The following TNFRSF8 variants were observed in gnomAD, a reference collection of about 807,000 sequenced individuals.
TNFRSF8 encodes the protein TNF receptor superfamily member 8, also known as tumor necrosis factor receptor superfamily member 8.
TNFRSF8 carries 26 observed loss-of-function variants against 70.8 expected under a neutral mutation model. The ratio of observed to expected loss-of-function variants is 0.37; its 90% CI spans 0.27 to 0.51. The LOEUF (loss-of-function observed/expected upper bound fraction) is 0.51, where lower values mean the gene tolerates loss of function less well. Ranked by LOEUF, TNFRSF8 falls within the 20% of genes least tolerant of loss-of-function variation. The probability of loss-of-function intolerance (pLI) is 0.94; values close to 1 mark genes in which losing one functional copy is unlikely to be tolerated. For missense variants in TNFRSF8, 720 were observed against 807.9 expected (o/e 0.89, Z 1.32); for synonymous variants, 356 against 339.2 (o/e 1.05, Z -0.54).
chr1:12,080,812 A>C (rs6689877), intron 1 of TNFRSF8, among the ~76,000 whole-genome samples: 4,533 of 152,190 alleles, frequency 0.03, 208 homozygotes, highest in African/African-American at 0.1. Flanking sequence ...CTCCTGTCTC[A>C]TTCTCCCAAA....
At chr1:12,125,606 G>A (rs575250427) in intron 10 of TNFRSF8, among the ~76,000 whole-genome samples, 10 of 152,288 alleles carry the variant, frequency 6.6e-5, no homozygotes, top group African/African-American at 2.4e-4. Context: ...CCCTGACTCC[G>A]GCCACACCAG....
At chr1:12,104,847 T>C (rs1415960706) in intron 4 of TNFRSF8, among the ~76,000 whole-genome samples, 1 of 152,206 alleles carries the variant, frequency 6.6e-6, no homozygotes, top group Non-Finnish European at 1.5e-5. Context: ...ACCTCAAGTC[T>C]CTGTCCTGGG....
chr1:12,100,907 A>C (rs923281385), intron 3 of TNFRSF8, among the ~76,000 whole-genome samples: 2 of 149,920 alleles, frequency 1.3e-5, no homozygotes, highest in African/African-American at 4.9e-5. Context: ...CAGTGAGCTG[A>C]GATTGTGCTA....
In TNFRSF8 at chr1:12,138,737, G is replaced by A. The variant is rs750911171; in HGVS notation, c.1543+301G>A. The stretch of plus-strand genomic sequence containing the variant: ...ACCCGAGGGGACAGGAGGAAGACGT[G>A]CCAGTGGTCACAGGACCTGCCACTT... On this transcript the variant is annotated intron_variant, in intron 14 of 14. Coordinates refer to ENST00000263932, the MANE Select transcript of TNFRSF8 (RefSeq NM_001243.5). This position sits in a 1 kb window ranked among gnomAD's most constrained non-coding sequence, Gnocchi z 5.7. Among the ~76,000 whole-genome samples the A allele has an allele frequency of 2.6e-4, 40 of 152,330 alleles. No homozygotes were observed. The highest frequency in any genetic ancestry group is 5.4e-4 in the Non-Finnish European group (37 of 68,020).
intron 8 of TNFRSF8, 102 bp from the exon 9 acceptor site, chr1:12,123,182 G>A (rs148030657): frequency 5.4e-5 from 50 of 927,776 alleles, no homozygotes; most frequent in Admixed American, 2.9e-4. Flanking sequence ...TAGCTCCCAC[G>A]GTGTTGCCTC....
intron 3 of TNFRSF8, among the ~76,000 whole-genome samples, chr1:12,097,819 T>C (rs944299778): frequency 7.2e-5 from 11 of 152,210 alleles, no homozygotes; most frequent in Non-Finnish European, 1.3e-4. Context: ...TCATGTATTT[T>C]CAGAGTGTTC....
rs1173894175 is a variant in TNFRSF8 at position 12,110,844 on chromosome 1, C to G, written c.676+640C>G. Among the ~76,000 whole-genome samples, 1 of 142,514 alleles carries G rather than the reference C, an allele frequency of 7.0e-6. No individual in the cohort carries two copies. Among genetic ancestry groups the G allele is most frequent in the African/African-American group, 2.7e-5 (1 of 37,192 alleles). 93.5% of individuals were successfully genotyped at this position (142,514 alleles called of 152,430 possible). Reference sequence around the variant, plus strand: ...AACTCCCGACCTCAGGTGATCCGCCCACCTCGGCCTCCCAAAGTGCTGGGA... The same window carrying G: ...AACTCCCGACCTCAGGTGATCCGCCGACCTCGGCCTCCCAAAGTGCTGGGA... On this transcript the variant is annotated intron_variant, in intron 6 of 14. Transcript: ENST00000263932. This position sits in a 1 kb window ranked among gnomAD's most constrained non-coding sequence, Gnocchi z 4.0.
In TNFRSF8 at chr1:12,065,461, T is replaced by C. The variant is rs918776954; in HGVS notation, c.63+1800T>C. 3.9e-5 allele frequency among the ~76,000 whole-genome samples: 6 copies of C among 152,220 alleles called. 1 individual carries two copies. The highest frequency in any genetic ancestry group is 1.4e-4 in the African/African-American group (6 of 41,448). On this transcript the variant is annotated intron_variant, in intron 1 of 14. Transcript: ENST00000263932. Reference sequence around the variant, plus strand: ...TATAAATATATTCTCAAAGCAAAACTGTAAACGCTACAGATAAAGCCAAGT... The same window carrying C: ...TATAAATATATTCTCAAAGCAAAACCGTAAACGCTACAGATAAAGCCAAGT...
intron 1 of TNFRSF8, among the ~76,000 whole-genome samples, chr1:12,065,612 A>G (rs1056999079): frequency 1.3e-5 from 2 of 152,170 alleles, no homozygotes; most frequent in Non-Finnish European, 2.9e-5. Context: ...ACATATATAT[A>G]GTTTTCCATA....
At chr1:12,120,941 C>A (rs1443674356) in intron 8 of TNFRSF8, among the ~76,000 whole-genome samples, 7 of 152,190 alleles carry the variant, frequency 4.6e-5, no homozygotes, top group Non-Finnish European at 8.8e-5. Context: ...AGATCTGTCG[C>A]TGGATTTCAG....
chr1:12,104,633 G>T lies in TNFRSF8; in HGVS notation c.421+102G>T, dbSNP rs11569853. 609 of 1,387,278 alleles carry T rather than the reference G, an allele frequency of 4.4e-4. 1 individual carries two copies. In the African/African-American group the frequency reaches 7.7e-3, roughly 18 times the overall value. The allele number at this position is 1,387,278 out of a possible 1,614,324, so 85.9% of individuals were successfully genotyped here. Reference sequence around the variant, plus strand: ...GTTGACTTCCGACCTCCCGCTTCCCGGAGACTGTTGGACAGATCATGTCTC... The same window carrying T: ...GTTGACTTCCGACCTCCCGCTTCCCTGAGACTGTTGGACAGATCATGTCTC... On this transcript the variant is annotated intron_variant, in intron 4 of 14. Coordinates refer to ENST00000263932, the MANE Select transcript of TNFRSF8 (RefSeq NM_001243.5).
chr1:12,111,306 C>T (rs11569882), intron 6 of TNFRSF8, among the ~76,000 whole-genome samples: 6 of 151,992 alleles, frequency 3.9e-5, no homozygotes, highest in East Asian at 3.9e-4. Context: ...CTCAGCCTCC[C>T]GAGTAGCTGG....
chr1:12,140,733 G>A (rs1327949221), intron 14 of TNFRSF8, among the ~76,000 whole-genome samples: 3 of 152,168 alleles, frequency 2.0e-5, no homozygotes. Flanking sequence ...ATTTCCCTGA[G>A]GAATGTGAGG....
At chr1:12,136,423 C>T (rs897615470) in intron 13 of TNFRSF8, among the ~76,000 whole-genome samples, 2 of 151,928 alleles carry the variant, frequency 1.3e-5, no homozygotes, top group Non-Finnish European at 1.5e-5. Flanking sequence ...CTGAGGCAGG[C>T]GGATCACCTG....
intron 8 of TNFRSF8, among the ~76,000 whole-genome samples, chr1:12,117,231 C>T (rs1034204265): frequency 3.9e-5 from 6 of 151,956 alleles, no homozygotes; most frequent in Admixed American, 6.6e-5. Flanking sequence ...TACAGGTGCC[C>T]GCCACCACAC....
chr1:12,113,275 A>G lies in TNFRSF8; in HGVS notation c.793+1261A>G, dbSNP rs549071538. ...TTCCATGTCGGCCTCTTCGTGTCTT[A>G]CCTGGGGCTTCCTCATGGTCTGGTG... On this transcript the variant is annotated intron_variant, in intron 7 of 14. Coordinates refer to ENST00000263932, the MANE Select transcript of TNFRSF8 (RefSeq NM_001243.5). This position sits in a 1 kb window ranked among gnomAD's most constrained non-coding sequence, Gnocchi z 4.9. Among the ~76,000 whole-genome samples the G allele has an allele frequency of 2.0e-5, 3 of 152,210 alleles. No homozygotes were observed. Among genetic ancestry groups the G allele is most frequent in the South Asian group, 4.2e-4 (2 of 4,810 alleles).
At chr1:12,086,351 T>C (rs1041012344) in intron 2 of TNFRSF8, among the ~76,000 whole-genome samples, 1 of 152,232 alleles carries the variant, frequency 6.6e-6, no homozygotes, top group Non-Finnish European at 1.5e-5. Context: ...TTGGATGCTA[T>C]TGGACTTTCT....
chr1:12,138,313 A>G lies in TNFRSF8; in HGVS notation c.1420A>G (p.Ser474Gly). 1 of 1,613,774 alleles carries G rather than the reference A, an allele frequency of 6.2e-7. No homozygotes were observed. The highest frequency in any genetic ancestry group is 8.5e-7 in the Non-Finnish European group (1 of 1,179,968). Reference protein sequence around the residue: ...MSQPLMETCHSVGAAYLESLP... With the variant: ...MSQPLMETCHGVGAAYLESLP... Reference sequence around the variant, plus strand: ...CCAGCCACTGATGGAGACCTGCCACAGCGTGGGGGCAGCCTACCTGGAGAG... The same window carrying G: ...CCAGCCACTGATGGAGACCTGCCACGGCGTGGGGGCAGCCTACCTGGAGAG... The change falls in exon 14 of 15, where the codon AGC becomes GGC. Residue 474 changes from serine (S) to glycine (G), a missense_variant. Physicochemically the swap from Ser to Gly is moderately conservative, Grantham distance 56 (BLOSUM62 0). Transcript: ENST00000263932. This position sits in a 1 kb window ranked among gnomAD's most constrained non-coding sequence, Gnocchi z 5.7.
At chr1:12,134,229 C>T (rs544575958) in intron 12 of TNFRSF8, among the ~76,000 whole-genome samples, 65 of 152,214 alleles carry the variant, frequency 4.3e-4, no homozygotes, top group East Asian at 5.8e-4. Context: ...CAGGAGGCGG[C>T]GTGGCTGACA....
Sources: gnomAD v4.1 joint callset for allele counts (sites outside exome capture counted in the v4.1 genomes callset) on GRCh38, gnomAD v4.1.1 for gene constraint, Gnocchi (gnomAD v3.1) non-coding constraint, MANE v1.5 for transcripts, NCBI Gene and HGNC (gene_info 2026-07-23, HGNC 2026-07-21) for gene names.